The following E2F3 variants were observed in gnomAD, a reference collection of about 807,000 sequenced individuals.
E2F3 encodes transcription factor E2F3.
In E2F3, 11 loss-of-function variants were observed where a neutral mutation model predicts 44.4. That is an observed-to-expected ratio of 0.25 (90% CI 0.16 to 0.41). E2F3 has a LOEUF of 0.41. E2F3 is among the 10% of genes least tolerant of loss of function. The probability of loss-of-function intolerance (pLI) is 1.00; values close to 1 mark genes in which losing one functional copy is unlikely to be tolerated. For synonymous variants in E2F3, 249 were observed against 253.0 expected (o/e 0.98, Z 0.15); for missense variants, 487 against 583.6 (o/e 0.83, Z 1.70).
chr6:20,438,009 A>G (rs1029671170), intron 1 of E2F3: 1 of 152,238 alleles, frequency 6.6e-6, no homozygotes, highest in Non-Finnish European at 1.5e-5. Context: ...GTAATGTGAT[A>G]TTTGTTATTT....
At chr6:20,482,136 CT>C (rs1762243818) in intron 3 of E2F3, among the ~76,000 whole-genome samples, 1 of 151,984 alleles carries the variant, frequency 6.6e-6, no homozygotes, top group Non-Finnish European at 1.5e-5. Flanking sequence ...GAATACATAC[CT>C]TTTTTTGCAC....
chr6:20,402,011 C>A lies in E2F3; in HGVS notation c.-222C>A. The A allele has an allele frequency of 1.5e-6, 1 of 682,636 alleles. No homozygotes were observed. Among genetic ancestry groups the A allele is most frequent in the Non-Finnish European group, 2.1e-6 (1 of 474,362 alleles). 42.3% of individuals were successfully genotyped at this position (682,636 alleles called of 1,614,324 possible). The stretch of plus-strand genomic sequence containing the variant: ...TCCATCCCCGCTTGGGGCCCGATAT[C>A]CGTGCGGCCGGGACCCTCCTCTCTC... On this transcript the variant is annotated 5_prime_UTR_variant, in exon 1 of 7. Transcript: ENST00000346618. The surrounding 1 kb of genome is among the most constrained non-coding windows in gnomAD (Gnocchi z 5.6).
intron 4 of E2F3, among the ~76,000 whole-genome samples, 166 bp downstream of exon 4, chr6:20,483,086 CCCAGTTAGCTTTG>C (rs1762284603): frequency 6.6e-6 from 1 of 151,860 alleles, no homozygotes; most frequent in Non-Finnish European, 1.5e-5. Context: ...TGTGTGTAAA[CCCAGTTAGCTTTG>C]CCTAAAAAGT....
intron 1 of E2F3, among the ~76,000 whole-genome samples, chr6:20,474,686 A>C (rs1175189396): frequency 6.6e-6 from 1 of 152,204 alleles, no homozygotes; most frequent in African/African-American, 2.4e-5. Flanking sequence ...AAATCCTGTC[A>C]TATAGTTTTT....
chr6:20,481,449 C>G lies in E2F3; in HGVS notation c.725+24C>G, dbSNP rs750974803. 6 of 1,608,954 alleles carry G rather than the reference C, an allele frequency of 3.7e-6. No individual in the cohort carries two copies. In the African/African-American group the frequency reaches 8.0e-5, roughly 22 times the overall value. On this transcript the variant is annotated intron_variant, in intron 3 of 6. Coordinates refer to ENST00000346618, the MANE Select transcript of E2F3 (RefSeq NM_001949.5). Reference sequence around the variant, plus strand: ...ATGTGAGTAGGAGTCCTCCCCATGCCCCGGCTCTGAGGGGGTCGTTTCAAA... The same window carrying G: ...ATGTGAGTAGGAGTCCTCCCCATGCGCCGGCTCTGAGGGGGTCGTTTCAAA...
chr6:20,403,556 G>A (rs900328617), intron 1 of E2F3: 4 of 442,064 alleles, frequency 9.0e-6, no homozygotes, highest in Non-Finnish European at 1.2e-5. Context: ...GGACGCGCCT[G>A]TGACTGGGGA....
At chr6:20,445,511 A>G (rs1321931352) in intron 1 of E2F3, among the ~76,000 whole-genome samples, 1 of 152,060 alleles carries the variant, frequency 6.6e-6, no homozygotes, top group African/African-American at 2.4e-5. Flanking sequence ...TTTCTAAGAC[A>G]TGCGTTTTTT....
At chr6:20,454,703 TTC>T in intron 1 of E2F3, among the ~76,000 whole-genome samples, 1 of 152,346 alleles carries the variant, frequency 6.6e-6, no homozygotes, top group African/African-American at 2.4e-5. Flanking sequence ...TCATTGTTCC[TTC>T]TCATCCCTTG....
intron 1 of E2F3, among the ~76,000 whole-genome samples, chr6:20,404,937 A>G (rs1469671161): frequency 6.6e-6 from 1 of 152,204 alleles, no homozygotes; most frequent in Non-Finnish European, 1.5e-5. Flanking sequence ...TCATAAACCT[A>G]ACCTTAAACA....
chr6:20,444,016 A>G (rs1561863413), intron 1 of E2F3, among the ~76,000 whole-genome samples: 1 of 152,094 alleles, frequency 6.6e-6, no homozygotes, highest in Non-Finnish European at 1.5e-5. Context: ...GTTCAAGACC[A>G]GTCTGGGCAA....
At position 20,402,142 on chromosome 6, in the gene E2F3, GGA is replaced by G; in HGVS notation, c.-86_-85del. 6.9e-7 allele frequency: 1 copy of G among 1,453,432 alleles called. No homozygotes were observed. Among genetic ancestry groups the G allele is most frequent in the East Asian group, 2.5e-5 (1 of 39,268 alleles). 90.0% of individuals were successfully genotyped at this position (1,453,432 alleles called of 1,614,324 possible). On this transcript the variant is annotated 5_prime_UTR_variant, in exon 1 of 7. Coordinates refer to ENST00000346618, the MANE Select transcript of E2F3 (RefSeq NM_001949.5). This position sits in a 1 kb window ranked among gnomAD's most constrained non-coding sequence, Gnocchi z 5.6. ...GCGCCGGGCGGGGAGGAGAGAAGGA[GGA>G]GAGACTTGGAAACTCCGACTGCAAA...
intron 1 of E2F3, among the ~76,000 whole-genome samples, chr6:20,442,606 A>C (rs879838904): frequency 6.6e-6 from 1 of 152,224 alleles, no homozygotes; most frequent in Non-Finnish European, 1.5e-5. Flanking sequence ...ATCTGGACAC[A>C]ATTCTTTTCA....
In E2F3 at chr6:20,402,669, G is replaced by A. The variant is rs573715776; in HGVS notation, c.393+44G>A. Reference sequence around the variant, plus strand: ...ACCGTCCCCAGCCCCGGCGGGAGGTGGGCTCGCACCGCGCGGGGTCGTGGG... The same window carrying A: ...ACCGTCCCCAGCCCCGGCGGGAGGTAGGCTCGCACCGCGCGGGGTCGTGGG... On this transcript the variant is annotated intron_variant, in intron 1 of 6. Coordinates refer to ENST00000346618, the MANE Select transcript of E2F3 (RefSeq NM_001949.5). The surrounding 1 kb of genome is among the most constrained non-coding windows in gnomAD (Gnocchi z 5.6). The A allele has an allele frequency of 3.1e-5, 40 of 1,299,720 alleles. No individual in the cohort carries two copies. In the African/African-American group the frequency reaches 5.9e-4, roughly 19 times the overall value. The allele number at this position is 1,299,720 out of a possible 1,614,324, so 80.5% of individuals were successfully genotyped here.
intron 2 of E2F3, 70 bp downstream of exon 2, chr6:20,480,027 G>C: frequency 6.5e-7 from 1 of 1,528,276 alleles, no homozygotes; most frequent in Non-Finnish European, 8.8e-7. Flanking sequence ...GCTTATGGCC[G>C]GAAGGATGCC....
chr6:20,435,486 C>G (rs778883058), intron 1 of E2F3, among the ~76,000 whole-genome samples: 1 of 152,224 alleles, frequency 6.6e-6, no homozygotes, highest in Non-Finnish European at 1.5e-5. Flanking sequence ...GGCACAGTGG[C>G]TCACACCTGT....
At chr6:20,433,263 C>T (rs1313648548) in intron 1 of E2F3, among the ~76,000 whole-genome samples, 1 of 152,198 alleles carries the variant, frequency 6.6e-6, no homozygotes, top group Non-Finnish European at 1.5e-5. Flanking sequence ...GTTCAATTCA[C>T]ACAATTGCCA....
At chr6:20,482,348 T>TG (rs1292195819) in intron 3 of E2F3, among the ~76,000 whole-genome samples, 5 of 150,440 alleles carry the variant, frequency 3.3e-5, no homozygotes, top group African/African-American at 7.3e-5. Context: ...TTTTGTTTTT[T>TG]TTTTTTTTTA....
Position 20,435,654 on chromosome 6 carries a change from G to C in E2F3, c.393+33029G>C, listed in dbSNP as rs147472133. 3.9e-3 allele frequency among the ~76,000 whole-genome samples: 592 copies of C among 152,300 alleles called. 3 individuals carry two copies. Among genetic ancestry groups the C allele is most frequent in the African/African-American group, 0.013 (557 of 41,570 alleles). On this transcript the variant is annotated intron_variant, in intron 1 of 6. Transcript: ENST00000346618. ...TAGTCCCAGCTACTTGGGAGGCTGA[G>C]GCAGGAGAATTGCTTGAATTCGGGA... is the stretch of plus-strand genomic sequence containing the variant.
At chr6:20,434,471 C>T (rs1043238174) in intron 1 of E2F3, among the ~76,000 whole-genome samples, 2 of 152,130 alleles carry the variant, frequency 1.3e-5, no homozygotes, top group African/African-American at 4.8e-5. Context: ...ATCAAGGTGT[C>T]AGAAGAAAAA....
Sources: gnomAD v4.1 joint callset for allele counts (sites outside exome capture counted in the v4.1 genomes callset) on GRCh38, gnomAD v4.1.1 for gene constraint, Gnocchi (gnomAD v3.1) non-coding constraint, MANE v1.5 for transcripts, NCBI Gene and HGNC (gene_info 2026-07-23, HGNC 2026-07-21) for gene names.